Variants in LRRC7 observed in about 807,000 individuals in gnomAD.
LRRC7 encodes the protein leucine rich repeat containing 7.
In LRRC7, 23 loss-of-function variants were observed where a neutral mutation model predicts 175.7. The observed-to-expected ratio is 0.13, with a 90% CI of 0.09 to 0.19. The LOEUF is 0.19. Ranked by LOEUF, LRRC7 falls within the 10% of genes least tolerant of loss-of-function variation. The pLI is 1.00. For synonymous variants in LRRC7, 685 were observed against 680.9 expected, an observed-to-expected ratio of 1.01 and a Z score of -0.09; for missense variants, 1,354 against 1,904.7, an observed-to-expected ratio of 0.71 and a Z score of 5.38.
intron 4 of LRRC7, among the ~76,000 whole-genome samples, chr1:69,806,526 T>G (rs1014646736): frequency 1.3e-5 from 2 of 151,792 alleles, no homozygotes; most frequent in Non-Finnish European, 2.9e-5. Flanking sequence ...ATAGGCAGAG[T>G]CTTGCCTATT....
intron 1 of LRRC7, among the ~76,000 whole-genome samples, chr1:69,626,215 A>G (rs757745761): frequency 6.6e-6 from 1 of 152,080 alleles, no homozygotes; most frequent in South Asian, 2.1e-4. Flanking sequence ...GAGGACCTTG[A>G]TCTTATTTTG....
intron 2 of LRRC7, among the ~76,000 whole-genome samples, chr1:69,718,138 G>GAAAGAC (rs772161376): frequency 2.4e-5 from 1 of 40,972 alleles, no homozygotes. Context: ...AAGAAAGAAA[G>GAAAGAC]AGAGAGAAAG....
rs150944588 is a variant in LRRC7 at position 69,791,553 on chromosome 1, G to C, written c.304-490G>C. On this transcript the variant is annotated intron_variant, in intron 3 of 26. Transcript: ENST00000651989. ...ATATTTATGAAGCAGTTGGGGGAGG[G>C]AGCACAAAAGAAATGTGAACTCAAG... 1.1e-3 allele frequency among the ~76,000 whole-genome samples: 162 copies of C among 152,038 alleles called. 1 individual carries two copies. In the Middle Eastern group the frequency reaches 0.02, roughly 19 times the overall value.
intron 4 of LRRC7, among the ~76,000 whole-genome samples, chr1:69,810,768 TA>T (rs1677745953): frequency 6.6e-6 from 1 of 152,028 alleles, no homozygotes; most frequent in African/African-American, 2.4e-5. Context: ...ACACAAAAAT[TA>T]ACTCAGGTCA....
chr1:69,643,231 T>C (rs551303807), intron 1 of LRRC7, among the ~76,000 whole-genome samples: 1 of 152,224 alleles, frequency 6.6e-6, no homozygotes, highest in East Asian at 1.9e-4. Context: ...GCTCGGATCT[T>C]CTTTACTTAG....
At chr1:70,062,860 T>C (rs1171957548) in intron 23 of LRRC7, among the ~76,000 whole-genome samples, 1 of 151,590 alleles carries the variant, frequency 6.6e-6, no homozygotes, top group Non-Finnish European at 1.5e-5. Context: ...TCTATTGTTA[T>C]TAGATTTGTT....
rs1015767083 is a variant in LRRC7, at chr1:70,038,981, G to A, written c.3157G>A (p.Gly1053Arg). 2.5e-6 allele frequency: 4 copies of A among 1,613,718 alleles called. No homozygotes were observed. Among genetic ancestry groups the A allele is most frequent in the Non-Finnish European group, 3.4e-6 (4 of 1,179,948 alleles). ...DEMLTYGSSK[G>R]PQQQKASMTK... ...GATGCTCACCTACGGAAGTAGTAAGGGGCCACAACAACAAAAAGCTTCTAT... is the reference window on the plus strand; with the variant it reads ...GATGCTCACCTACGGAAGTAGTAAGAGGCCACAACAACAAAAAGCTTCTAT... Residue 1053 changes from glycine to arginine, a missense_variant, in exon 21 of 27, where the codon GGG becomes AGG. Transcript: ENST00000651989.
chr1:69,752,030 G>C (rs1232637397), intron 2 of LRRC7, among the ~76,000 whole-genome samples: 1 of 152,078 alleles, frequency 6.6e-6, no homozygotes, highest in Non-Finnish European at 1.5e-5. Flanking sequence ...ATTGTGATAA[G>C]ATGAAAACAA....
intron 1 of LRRC7, among the ~76,000 whole-genome samples, chr1:69,653,761 A>G (rs182410095): frequency 3.3e-5 from 5 of 152,228 alleles, no homozygotes; most frequent in Non-Finnish European, 7.4e-5. Flanking sequence ...TTGAGCGTCC[A>G]CAGTATAATA....
chr1:69,712,086 G>A (rs2100736985), intron 2 of LRRC7, among the ~76,000 whole-genome samples: 2 of 152,206 alleles, frequency 1.3e-5, no homozygotes, highest in East Asian at 3.9e-4. Context: ...ATGGCCCAAA[G>A]CAAGGAGCCT....
At chr1:69,860,614 G>A (rs1245268078) in intron 7 of LRRC7, among the ~76,000 whole-genome samples, 1 of 135,886 alleles carries the variant, frequency 7.4e-6, no homozygotes, top group Non-Finnish European at 1.6e-5. Flanking sequence ...AAAATGAGTA[G>A]ATTAATATCA....
chr1:69,865,469 C>CTTTTTCTT (rs1684821278), intron 7 of LRRC7, among the ~76,000 whole-genome samples: 1 of 51,262 alleles, frequency 2.0e-5, no homozygotes, highest in Non-Finnish European at 3.4e-5. Flanking sequence ...AAGACAGTTC[C>CTTTTTCTT]TTTTTTTTTT....
chr1:69,625,344 T>C (rs1447928068), intron 1 of LRRC7, among the ~76,000 whole-genome samples: 1 of 100,426 alleles, frequency 1.0e-5, no homozygotes, highest in East Asian at 4.9e-4. Context: ...ATTCCTGATA[T>C]TTATACCTCC....
At chr1:69,724,637 A>G (rs1334357806) in intron 2 of LRRC7, among the ~76,000 whole-genome samples, 1 of 152,196 alleles carries the variant, frequency 6.6e-6, no homozygotes, top group Non-Finnish European at 1.5e-5. Flanking sequence ...AGTAGGATTT[A>G]TTTATGCAAC....
At chr1:69,899,898 A>G (rs1391422084) in intron 7 of LRRC7, among the ~76,000 whole-genome samples, 2 of 152,200 alleles carry the variant, frequency 1.3e-5, no homozygotes, top group Admixed American at 1.3e-4. Context: ...CCCAATCTCC[A>G]GAACTGTGAG....
chr1:69,873,755 C>T (rs948023952), intron 7 of LRRC7: 4 of 159,886 alleles, frequency 2.5e-5, no homozygotes, highest in African/African-American at 9.6e-5. Flanking sequence ...TATAGAGAGA[C>T]CTGATTTTTT....
intron 13 of LRRC7, chr1:70,014,231 A>G (rs1656777501): frequency 6.6e-6 from 1 of 152,042 alleles, no homozygotes; most frequent in Admixed American, 6.6e-5. Context: ...GTTATAAATA[A>G]GATTAGGAAA....
intron 10 of LRRC7, among the ~76,000 whole-genome samples, chr1:69,989,880 G>T (rs1200475281): frequency 1.3e-5 from 2 of 152,052 alleles, no homozygotes; most frequent in African/African-American, 4.8e-5. Flanking sequence ...GTTTAAAGCT[G>T]CCATAGAACA....
At chr1:69,952,289 A>C (rs556779526) in intron 8 of LRRC7, among the ~76,000 whole-genome samples, 4 of 152,164 alleles carry the variant, frequency 2.6e-5, no homozygotes, top group African/African-American at 9.6e-5. Flanking sequence ...ATATTGTCAA[A>C]CATATGATAT....
Sources: gnomAD v4.1 joint callset for allele counts (sites outside exome capture counted in the v4.1 genomes callset) on GRCh38, gnomAD v4.1.1 for gene constraint, MANE v1.5 for transcripts, NCBI Gene and HGNC (gene_info 2026-07-23, HGNC 2026-07-21) for gene names.